Variants in TMEM135 observed in about 807,000 individuals in gnomAD.
TMEM135 encodes peroxisomal membrane protein 52.
Under a neutral mutation model 60.3 loss-of-function variants are expected in TMEM135, and 30 were observed. The ratio of observed to expected loss-of-function variants is 0.50; its 90% confidence interval spans 0.37 to 0.68. The LOEUF (loss-of-function observed/expected upper bound fraction) is 0.68. Ranked by LOEUF, TMEM135 falls within the 30% of genes least tolerant of loss-of-function variation. The probability of loss-of-function intolerance (pLI) is 0.00; values close to 1 mark genes in which losing one functional copy is unlikely to be tolerated. For synonymous variants in TMEM135, 190 were observed against 186.7 expected (o/e 1.02, Z -0.14); for missense variants, 468 against 548.8 (o/e 0.85, Z 1.47).
In TMEM135 at chr11:87,108,962, A is replaced by G. The variant is rs544951914; in HGVS notation, c.396+17567A>G. On this transcript the variant is annotated intron_variant, in intron 4 of 14. Transcript: ENST00000305494. ...TACTGAACAATATGGAAGAATGTCA[A>G]AATCATTATGAGTGAAAGAAGCTAA... Among the ~76,000 whole-genome samples the G allele has an allele frequency of 5.3e-5, 8 of 152,270 alleles. No homozygotes were observed. In the South Asian group the frequency reaches 1.7e-3, roughly 32 times the overall value.
rs1296761368 is a variant in TMEM135, at chr11:87,328,529, A to G, written c.*7196A>G. 18 of 454,076 alleles carry G rather than the reference A, an allele frequency of 4.0e-5. No individual in the cohort carries two copies. Among genetic ancestry groups the G allele is most frequent in the Non-Finnish European group, 7.5e-5 (17 of 226,788 alleles). 28.1% of individuals were successfully genotyped at this position (454,076 alleles called of 1,614,324 possible). On this transcript the variant is annotated 3_prime_UTR_variant, in exon 15 of 15. Transcript: ENST00000305494. ...CCCTTCTGAGTCTCCATAGTCCATT[A>G]TATCACTCTGTATACCCTTGTGTAT...
At chr11:87,304,117 A>G (rs150680491) in intron 8 of TMEM135, among the ~76,000 whole-genome samples, 74 of 152,280 alleles carry the variant, frequency 4.9e-4, no homozygotes, top group African/African-American at 1.8e-3. Flanking sequence ...ACACCTGTAA[A>G]ACTAACACTT....
At chr11:87,059,099 G>A (rs1320115240) in intron 1 of TMEM135, among the ~76,000 whole-genome samples, 1 of 151,654 alleles carries the variant, frequency 6.6e-6, no homozygotes, top group Non-Finnish European at 1.5e-5. Flanking sequence ...CATCATGACT[G>A]GCTAATTTTT....
At chr11:87,102,965 A>G (rs1377956920) in intron 4 of TMEM135, among the ~76,000 whole-genome samples, 1 of 152,062 alleles carries the variant, frequency 6.6e-6, no homozygotes, top group Non-Finnish European at 1.5e-5. Flanking sequence ...GTTAACTGCC[A>G]TTCTACTCTG....
chr11:87,276,520 A>G (rs1266056482), intron 6 of TMEM135, among the ~76,000 whole-genome samples: 4 of 151,696 alleles, frequency 2.6e-5, no homozygotes, highest in African/African-American at 9.7e-5. Flanking sequence ...ATATATATAT[A>G]TACACACACA....
At chr11:87,124,289 C>T (rs1340454697) in intron 4 of TMEM135, among the ~76,000 whole-genome samples, 2 of 152,178 alleles carry the variant, frequency 1.3e-5, no homozygotes, top group South Asian at 4.1e-4. Context: ...AGGGCATCTA[C>T]GGGAACTTAG....
At chr11:87,264,561 ATGAAT>A (rs1299806845) in intron 6 of TMEM135, among the ~76,000 whole-genome samples, 7 of 151,910 alleles carry the variant, frequency 4.6e-5, no homozygotes, top group Admixed American at 4.6e-4. Flanking sequence ...ATCTTTTATC[ATGAAT>A]TGATCACTTT....
chr11:87,196,054 A>G (rs931600191), intron 5 of TMEM135, among the ~76,000 whole-genome samples: 4 of 152,074 alleles, frequency 2.6e-5, no homozygotes, highest in African/African-American at 9.7e-5. Flanking sequence ...TATGGCAGTT[A>G]TAAACTTGTA....
At chr11:87,303,822 C>T (rs1399254767) in intron 8 of TMEM135, among the ~76,000 whole-genome samples, 2 of 152,080 alleles carry the variant, frequency 1.3e-5, no homozygotes, top group African/African-American at 4.8e-5. Flanking sequence ...ATAATTTCAA[C>T]AGTAATCAGA....
intron 1 of TMEM135, among the ~76,000 whole-genome samples, chr11:87,066,097 A>C (rs1856645581): frequency 1.3e-5 from 2 of 152,336 alleles, no homozygotes; most frequent in South Asian, 4.1e-4. Context: ...AGATGCCATT[A>C]GATTTGTTGA....
intron 5 of TMEM135, among the ~76,000 whole-genome samples, chr11:87,221,198 G>T (rs138423613): frequency 6.6e-6 from 1 of 152,062 alleles, no homozygotes; most frequent in Non-Finnish European, 1.5e-5. Flanking sequence ...CATAATTGAG[G>T]GGCTAAAATA....
chr11:87,045,988 TGA>T (rs1287047047), intron 1 of TMEM135, among the ~76,000 whole-genome samples: 1 of 152,236 alleles, frequency 6.6e-6, no homozygotes, highest in African/African-American at 2.4e-5. Flanking sequence ...CTTCTTACAT[TGA>T]GTTTATAGTT....
chr11:87,299,037 G>A (rs1239808737), intron 7 of TMEM135, among the ~76,000 whole-genome samples: 1 of 151,276 alleles, frequency 6.6e-6, no homozygotes, highest in Non-Finnish European at 1.5e-5. Flanking sequence ...GCAGTGAGCC[G>A]AGATTGCGCC....
intron 6 of TMEM135, among the ~76,000 whole-genome samples, chr11:87,294,494 C>T (rs1942316719): frequency 1.3e-5 from 2 of 152,200 alleles, no homozygotes; most frequent in African/African-American, 4.8e-5. Context: ...AGCGATTCTC[C>T]AGCGTCAGCC....
intron 4 of TMEM135, among the ~76,000 whole-genome samples, chr11:87,112,064 T>C (rs543126575): frequency 6.6e-6 from 1 of 152,222 alleles, no homozygotes; most frequent in Non-Finnish European, 1.5e-5. Flanking sequence ...GTGGCAATAG[T>C]TGCAATATAG....
intron 6 of TMEM135, among the ~76,000 whole-genome samples, chr11:87,283,484 T>G (rs75075042): frequency 0.021 from 3,213 of 152,348 alleles, 76 homozygotes; most frequent in African/African-American, 0.055. Context: ...GTTATAGTTT[T>G]GAATAGCTGC....
intron 5 of TMEM135, among the ~76,000 whole-genome samples, chr11:87,206,914 A>G (rs1260320701): frequency 2.0e-5 from 3 of 152,150 alleles, no homozygotes; most frequent in Non-Finnish European, 2.9e-5. Flanking sequence ...TAGAACCTGT[A>G]TTGGTCAGAA....
At chr11:87,063,166 T>C (rs1234373280) in intron 1 of TMEM135, among the ~76,000 whole-genome samples, 1 of 152,230 alleles carries the variant, frequency 6.6e-6, no homozygotes, top group Non-Finnish European at 1.5e-5. Context: ...ATTTGTTCTG[T>C]ATGTTCATTA....
intron 6 of TMEM135, among the ~76,000 whole-genome samples, chr11:87,255,198 C>T (rs1941500632): frequency 6.6e-6 from 1 of 152,092 alleles, no homozygotes; most frequent in Admixed American, 6.5e-5. Context: ...TGGAGATTGG[C>T]ACTTCAGAGC....
Sources: gnomAD v4.1 joint callset for allele counts (sites outside exome capture counted in the v4.1 genomes callset) on GRCh38, gnomAD v4.1.1 for gene constraint, MANE v1.5 for transcripts, NCBI Gene and HGNC (gene_info 2026-07-23, HGNC 2026-07-21) for gene names.